PMPCA: variants seen among roughly 807,000 people sequenced by gnomAD.
The protein encoded by PMPCA is peptidase, mitochondrial processing subunit alpha, also known as mitochondrial-processing peptidase subunit alpha.
A neutral mutation model predicts 59.3 loss-of-function variants in PMPCA; 47 were observed. That is an observed-to-expected ratio of 0.79 (90% CI 0.63 to 1.01). The LOEUF (loss-of-function observed/expected upper bound fraction) is 1.01. Among genes scored for constraint, PMPCA ranks in the 50% least tolerant of loss-of-function variants. The probability of loss-of-function intolerance (pLI) is 0.00; values close to 1 mark genes in which losing one functional copy is unlikely to be tolerated. For synonymous variants in PMPCA, 338 were observed against 290.3 expected (o/e 1.16, Z -1.67); for missense variants, 726 against 704.5 (o/e 1.03, Z -0.34).
At position 136,416,403 on chromosome 9, in the gene PMPCA, A is replaced by C. The variant is rs764499664; in HGVS notation, c.633+12A>C. 6.3e-7 allele frequency: 1 copy of C among 1,589,190 alleles called. No individual in the cohort carries two copies. The highest frequency in any genetic ancestry group is 8.6e-7 in the Non-Finnish European group (1 of 1,157,414). On this transcript the variant is annotated intron_variant, in intron 6 of 12. Transcript: ENST00000371717. ...AGATGATTCATGAAGTAAAATGTCA[A>C]ACTCGAGAATGCCCCCGCATCTCGA... is the stretch of plus-strand genomic sequence containing the variant.
At position 136,410,663 on chromosome 9, in the gene PMPCA, C is replaced by T; in HGVS notation, c.-6C>T. The T allele has an allele frequency of 7.9e-6, 11 of 1,399,452 alleles. No homozygotes were observed. Among genetic ancestry groups the T allele is most frequent in the Non-Finnish European group, 5.6e-6 (6 of 1,077,210 alleles). The allele number at this position is 1,399,452 out of a possible 1,614,324, so 86.7% of individuals were successfully genotyped here. A position where few individuals can be genotyped will look rare whatever the true frequency, so the allele number is the denominator to read the frequency against. On this transcript the variant is annotated 5_prime_UTR_variant, in exon 1 of 13. In the 5' UTR this introduces an upstream ATG that the reference lacks. Coordinates refer to ENST00000371717, the MANE Select transcript of PMPCA (RefSeq NM_015160.3). ...AGTGACGACTGAAGCGGGGCGGAGACGCAAGATGGCGGCTGTGGTGCTGGC... is the reference window on the plus strand; with the variant it reads ...AGTGACGACTGAAGCGGGGCGGAGATGCAAGATGGCGGCTGTGGTGCTGGC...
intron 6 of PMPCA, 61 bp from the exon 7 acceptor site, chr9:136,416,890 G>A (rs1190606321): frequency 6.6e-7 from 1 of 1,521,164 alleles, no homozygotes; most frequent in African/African-American, 1.4e-5. Flanking sequence ...GGTGCTGCTT[G>A]TTGGAGGAAG....
intron 7 of PMPCA, 139 bp from the exon 8 acceptor site, chr9:136,417,878 G>A: frequency 2.8e-6 from 2 of 706,850 alleles, no homozygotes; most frequent in Middle Eastern, 2.5e-4. Flanking sequence ...CTCCCAAAGT[G>A]CTGGGATTTT....
intron 6 of PMPCA, 22 bp from the exon 7 acceptor site, chr9:136,416,929 G>C (rs780002734): frequency 5.0e-6 from 8 of 1,592,982 alleles, no homozygotes; most frequent in South Asian, 2.3e-5. Context: ...AGTCACCTGT[G>C]TCTGTGGCTC....
At chr9:136,413,854 C>G (rs192786436) in intron 4 of PMPCA, among the ~76,000 whole-genome samples, 1 of 152,364 alleles carries the variant, frequency 6.6e-6, no homozygotes, top group Non-Finnish European at 1.5e-5. Context: ...GCCAAGTCCC[C>G]TCTTCAGAGG....
chr9:136,412,055 C>T lies in PMPCA; in HGVS notation c.130C>T (p.Leu44Phe), dbSNP rs764833191. 2 of 1,613,530 alleles carry T rather than the reference C, an allele frequency of 1.2e-6. No individual in the cohort carries two copies. The highest frequency in any genetic ancestry group is 1.1e-5 in the South Asian group (1 of 91,066). The change falls in exon 2 of 13, where the codon CTC (leucine) becomes TTC (phenylalanine). Residue 44 changes from leucine to phenylalanine, a missense_variant. Coordinates refer to ENST00000371717, the MANE Select transcript of PMPCA (RefSeq NM_015160.3). ...TGGTGGTGCCTATCCCAACATCCCCCTCTCTTCTCCCTTACCTGGAGTACC... is the reference window on the plus strand; with the variant it reads ...TGGTGGTGCCTATCCCAACATCCCCTTCTCTTCTCCCTTACCTGGAGTACC... ...SSGGAYPNIP[L>F]SSPLPGVPKP... is the part of the protein sequence containing the mutation.
Position 136,421,990 on chromosome 9 carries a change from G to A in PMPCA, c.1408+14G>A. On this transcript the variant is annotated intron_variant, in intron 12 of 12. Transcript: ENST00000371717. Reference sequence around the variant, plus strand: ...GCACGCTCATCCGTGAGTACCGCAGGGGTAGTGAGGGGCTGCCGCAGGCCT... The same window carrying A: ...GCACGCTCATCCGTGAGTACCGCAGAGGTAGTGAGGGGCTGCCGCAGGCCT... 3 of 1,599,630 alleles carry A rather than the reference G, an allele frequency of 1.9e-6. No individual in the cohort carries two copies. Among genetic ancestry groups the A allele is most frequent in the Non-Finnish European group, 2.6e-6 (3 of 1,173,094 alleles).
rs995602488 is a variant in PMPCA, at chr9:136,410,676, C to T, written c.8C>T (p.Ala3Val). The T allele has an allele frequency of 1.4e-6, 2 of 1,413,844 alleles. No individual in the cohort carries two copies. The highest frequency in any genetic ancestry group is 9.2e-7 in the Non-Finnish European group (1 of 1,085,714). The allele number at this position is 1,413,844 out of a possible 1,614,324, so 87.6% of individuals were successfully genotyped here. The change falls in exon 1 of 13, where the codon GCT (alanine) becomes GTT (valine). Residue 3 changes from alanine (A) to valine (V), a missense_variant. Physicochemically the swap from Ala to Val is moderately conservative, Grantham distance 64. Coordinates refer to ENST00000371717, the MANE Select transcript of PMPCA (RefSeq NM_015160.3). Reference sequence around the variant, plus strand: ...GCGGGGCGGAGACGCAAGATGGCGGCTGTGGTGCTGGCGGCGACGCGGTTG... The same window carrying T: ...GCGGGGCGGAGACGCAAGATGGCGGTTGTGGTGCTGGCGGCGACGCGGTTG... Reference protein sequence around the residue: MAAVVLAATRLLR... With the variant: MAVVVLAATRLLR...
At chr9:136,411,936 C>T (rs1835132767) in intron 1 of PMPCA, 61 bp from the exon 2 acceptor site, 1 of 932,304 alleles carries the variant, frequency 1.1e-6, no homozygotes, top group Non-Finnish European at 1.7e-6. Flanking sequence ...CCGCACCTAA[C>T]AGGTCATCAC....
At position 136,419,453 on chromosome 9, in the gene PMPCA, T is replaced by G. The variant is rs550310343; in HGVS notation, c.1263+347T>G. 105 of 432,998 alleles carry G rather than the reference T, an allele frequency of 2.4e-4. 1 individual carries two copies. The Middle Eastern group carries it at 3.5e-3, about 14-fold the overall frequency. 26.8% of individuals were successfully genotyped at this position (432,998 alleles called of 1,614,324 possible). A position where few individuals can be genotyped will look rare whatever the true frequency, so the allele number is the denominator to read the frequency against. ...TTGCTGGCGAAACGCTGCAGGAGTT[T>G]TTGTGTCCTTCTCAGCCGCCTCTGT... On this transcript the variant is annotated intron_variant, in intron 11 of 12. Transcript: ENST00000371717.
At chr9:136,411,115 C>A (rs1240353675) in intron 1 of PMPCA, 1 of 224,256 alleles carries the variant, frequency 4.5e-6, no homozygotes, top group Non-Finnish European at 8.7e-6. Flanking sequence ...GGTCCAGGCT[C>A]TCGGTTGCTG....
chr9:136,412,145 A>G lies in PMPCA; in HGVS notation c.220A>G (p.Asn74Asp). The G allele has an allele frequency of 6.2e-7, 1 of 1,614,010 alleles. No homozygotes were observed. Among genetic ancestry groups the G allele is most frequent in the Non-Finnish European group, 8.5e-7 (1 of 1,179,884 alleles). ...TGAAACCAAAGTAACCACATTGGAT[A>G]ATGGGCTTCGCGTGGCATCTCAGAA... ...KFETKVTTLD[N>D]GLRVASQNKF... Residue 74 changes from asparagine to aspartate, a missense_variant, in exon 2 of 13, where the codon AAT becomes GAT. Coordinates refer to ENST00000371717, the MANE Select transcript of PMPCA (RefSeq NM_015160.3).
At chr9:136,412,438 A>C in intron 2 of PMPCA, 52 bp from the exon 3 acceptor site, 1 of 919,826 alleles carries the variant, frequency 1.1e-6, no homozygotes, top group Non-Finnish European at 1.8e-6. Context: ...CTCTTGATTA[A>C]ATCTTATTTT....
intron 1 of PMPCA, 92 bp downstream of exon 1, chr9:136,410,831 CGCCCG>C (rs907526027): frequency 9.1e-7 from 1 of 1,094,746 alleles, no homozygotes; most frequent in Non-Finnish European, 1.2e-6. Flanking sequence ...GGTGACATGG[CGCCCG>C]TGGGACGGGC....
chr9:136,411,898 A>C (rs914032217), intron 1 of PMPCA, 99 bp from the exon 2 acceptor site: 5 of 732,834 alleles, frequency 6.8e-6, no homozygotes, highest in Admixed American at 4.2e-5. Flanking sequence ...GCAGATGCTC[A>C]CTTTTAACCC....
intron 11 of PMPCA, chr9:136,419,309 CTGG>C: frequency 1.6e-6 from 1 of 642,806 alleles, no homozygotes; most frequent in East Asian, 2.7e-5. Flanking sequence ...CTGTTCTTCC[CTGG>C]TCCAAACCCC....
Position 136,412,508 on chromosome 9 carries a change from C to T in PMPCA, c.293C>T (p.Ser98Leu), listed in dbSNP as rs780097115. 7 of 1,580,592 alleles carry T rather than the reference C, an allele frequency of 4.4e-6. No individual in the cohort carries two copies. Among genetic ancestry groups the T allele is most frequent in the Admixed American group, 1.7e-5 (1 of 59,056 alleles). The stretch of plus-strand genomic sequence containing the variant: ...CTACTAGTTCTTATCAATTCAGGAT[C>T]GAGATATGAAGCGAAATACCTTAGT... ...CTVGILINSGSRYEAKYLSGI... is the reference protein window; with the variant it reads ...CTVGILINSGLRYEAKYLSGI... Residue 98 changes from serine (S) to leucine (L), a missense_variant, in exon 3 of 13, where the codon TCG becomes TTG. Coordinates refer to ENST00000371717, the MANE Select transcript of PMPCA (RefSeq NM_015160.3).
At chr9:136,415,837 T>C (rs898245765) in intron 5 of PMPCA, among the ~76,000 whole-genome samples, 1 of 152,210 alleles carries the variant, frequency 6.6e-6, no homozygotes. Flanking sequence ...TTCACAGTGC[T>C]GGCCAGGCTG....
At chr9:136,422,683 G>A in intron 12 of PMPCA, 2 of 1,035,920 alleles carry the variant, frequency 1.9e-6, no homozygotes, top group African/African-American at 3.4e-5. Context: ...GACCCACCTG[G>A]ACCCTATCAC....
Sources: allele counts gnomAD v4.1 joint callset (sites outside exome capture counted in the v4.1 genomes callset), GRCh38; gene constraint gnomAD v4.1.1; transcripts MANE v1.5; gene names NCBI Gene and HGNC (gene_info 2026-07-23, HGNC 2026-07-21).